Variants in KLHDC10 observed in about 807,000 individuals in gnomAD.
The protein encoded by KLHDC10 is kelch domain-containing protein 10.
In KLHDC10, 24 loss-of-function variants were observed where a neutral mutation model predicts 56.1. The observed-to-expected ratio is 0.43, with a 90% confidence interval of 0.31 to 0.60. KLHDC10 has a LOEUF of 0.60. KLHDC10 is among the 20% of genes least tolerant of loss of function. The pLI is 0.11. For synonymous variants in KLHDC10, 188 were observed against 207.1 expected (o/e 0.91, Z 0.79); for missense variants, 349 against 567.0 (o/e 0.62, Z 3.91).
At chr7:130,122,501 A>G (rs903275405) in intron 5 of KLHDC10, among the ~76,000 whole-genome samples, 5 of 152,214 alleles carry the variant, frequency 3.3e-5, no homozygotes, top group Non-Finnish European at 5.9e-5. Flanking sequence ...GGTAACAACT[A>G]TAACCAAATT....
At chr7:130,103,877 C>T (rs1484318356) in intron 2 of KLHDC10, among the ~76,000 whole-genome samples, 4 of 152,062 alleles carry the variant, frequency 2.6e-5, no homozygotes, top group Non-Finnish European at 5.9e-5. Context: ...ATCACGAGGT[C>T]AGGAGTTTGA....
chr7:130,123,137 A>G (rs184685739), intron 5 of KLHDC10, among the ~76,000 whole-genome samples: 2 of 152,204 alleles, frequency 1.3e-5, no homozygotes, highest in Admixed American at 1.3e-4. Flanking sequence ...TAGCAGATCT[A>G]TATCTTTCAC....
chr7:130,104,969 A>G (rs1329455376), intron 2 of KLHDC10, among the ~76,000 whole-genome samples: 1 of 152,202 alleles, frequency 6.6e-6, no homozygotes, highest in Non-Finnish European at 1.5e-5. Flanking sequence ...GCATTTCCCA[A>G]AAGAAAAATT....
intron 9 of KLHDC10, 131 bp downstream of exon 9, chr7:130,129,707 C>T: frequency 1.3e-6 from 1 of 798,346 alleles, no homozygotes. Flanking sequence ...TTAAAACTTC[C>T]TTCCAAAGCT....
At chr7:130,100,243 C>G (rs1352654283) in intron 2 of KLHDC10, among the ~76,000 whole-genome samples, 1 of 152,130 alleles carries the variant, frequency 6.6e-6, no homozygotes, top group Non-Finnish European at 1.5e-5. Context: ...ATAGCATATC[C>G]TTTAACACTC....
chr7:130,119,537 TAAAAAAAA>T (rs11317882), intron 3 of KLHDC10, among the ~76,000 whole-genome samples: 2 of 100,386 alleles, frequency 2.0e-5, no homozygotes, highest in African/African-American at 7.8e-5. Context: ...AAAAAAGAGT[TAAAAAAAA>T]AAAAAAAAAA....
At chr7:130,082,221 C>T (rs1303879389) in intron 1 of KLHDC10, among the ~76,000 whole-genome samples, 5 of 152,016 alleles carry the variant, frequency 3.3e-5, no homozygotes, top group Non-Finnish European at 7.4e-5. Context: ...CTACTTGGGA[C>T]GCTGAGGCAG....
intron 2 of KLHDC10, among the ~76,000 whole-genome samples, chr7:130,111,271 T>C (rs981034320): frequency 7.5e-4 from 114 of 152,304 alleles, no homozygotes; most frequent in African/African-American, 2.6e-3. Flanking sequence ...ATCTTAATCA[T>C]TTTATAATAA....
intron 4 of KLHDC10, among the ~76,000 whole-genome samples, chr7:130,121,199 C>T (rs1227525015): frequency 6.6e-6 from 1 of 152,032 alleles, no homozygotes; most frequent in African/African-American, 2.4e-5. Flanking sequence ...CCCACCTCCA[C>T]CTCTACCCTC....
At chr7:130,128,889 A>AAAAAAAATATATATAT in intron 8 of KLHDC10, among the ~76,000 whole-genome samples, 4 of 66,950 alleles carry the variant, frequency 6.0e-5, no homozygotes, top group South Asian at 5.5e-4. Context: ...AAAAAAAAAA[A>AAAAAAAATATATATAT]ATATATATAT....
At chr7:130,108,047 GAA>G (rs961950533) in intron 2 of KLHDC10, among the ~76,000 whole-genome samples, 1 of 138,870 alleles carries the variant, frequency 7.2e-6, no homozygotes, top group African/African-American at 2.7e-5. Flanking sequence ...CCTTCCCCGG[GAA>G]AAAAAAAACA....
At chr7:130,094,132 G>T (rs1163627002) in intron 1 of KLHDC10, among the ~76,000 whole-genome samples, 1 of 151,888 alleles carries the variant, frequency 6.6e-6, no homozygotes, top group Admixed American at 6.6e-5. Flanking sequence ...TGGCATGTTG[G>T]CCAGGCTGGT....
intron 2 of KLHDC10, among the ~76,000 whole-genome samples, chr7:130,097,680 T>C (rs1795868734): frequency 6.6e-6 from 1 of 152,216 alleles, no homozygotes; most frequent in African/African-American, 2.4e-5. Context: ...ATACCCAATG[T>C]TGGCAAGGGT....
intron 7 of KLHDC10, among the ~76,000 whole-genome samples, chr7:130,126,472 T>C (rs1328216470): frequency 6.6e-6 from 1 of 151,300 alleles, no homozygotes; most frequent in East Asian, 2.0e-4. Context: ...GGTCAGGAGT[T>C]CGAGACGAGC....
chr7:130,084,670 G>A (rs1050439840), intron 1 of KLHDC10, among the ~76,000 whole-genome samples: 9 of 151,940 alleles, frequency 5.9e-5, no homozygotes, highest in Non-Finnish European at 1.0e-4. Flanking sequence ...CCAGCTACTC[G>A]GGAGGCTGAG....
Position 130,120,843 on chromosome 7 carries a change from G to A in KLHDC10, c.570G>A (p.Lys190=). ...ATGACGTCCATGTGTGTAATGTGAA[G>A]TATAAGAGATGGGCTTTGCTCAGCT... ...NGNDVHVCNV[K]YKRWALLSCR... The change falls in exon 4 of 10, where the codon AAG becomes AAA. Residue 190 remains lysine, a synonymous_variant. Coordinates refer to ENST00000335420, the MANE Select transcript of KLHDC10 (RefSeq NM_014997.4). This position sits in a 1 kb window ranked among gnomAD's most constrained non-coding sequence, Gnocchi z 5.1. 2.5e-6 allele frequency: 4 copies of A among 1,614,156 alleles called. No homozygotes were observed. The highest frequency in any genetic ancestry group is 3.4e-6 in the Non-Finnish European group (4 of 1,180,022).
rs1325591507 is a variant in KLHDC10, at chr7:130,077,390, T to G, written c.166+6581T>G. ...AAAAAAAAAAAAAAAAAACAGTATA[T>G]GTATTTATTGTCATTCAAGTATTGT... On this transcript the variant is annotated intron_variant, in intron 1 of 9. Coordinates refer to ENST00000335420, the MANE Select transcript of KLHDC10 (RefSeq NM_014997.4). 2.8e-5 allele frequency among the ~76,000 whole-genome samples: 4 copies of G among 142,060 alleles called. 1 individual carries two copies. The highest frequency in any genetic ancestry group is 2.2e-4 in the Admixed American group (3 of 13,558). The allele number at this position is 142,060 out of a possible 152,430, so 93.2% of individuals were successfully genotyped here. A position where few individuals can be genotyped will look rare whatever the true frequency, so the allele number is the denominator to read the frequency against.
At chr7:130,075,249 G>T (rs192986686) in intron 1 of KLHDC10, among the ~76,000 whole-genome samples, 1 of 152,274 alleles carries the variant, frequency 6.6e-6, no homozygotes, top group Admixed American at 6.5e-5. Context: ...ACCATGATTA[G>T]CTGGGAAAAC....
At chr7:130,089,794 C>A (rs1416327728) in intron 1 of KLHDC10, among the ~76,000 whole-genome samples, 1 of 152,108 alleles carries the variant, frequency 6.6e-6, no homozygotes, top group African/African-American at 2.4e-5. Context: ...CTTTATAGAT[C>A]CTGAATTGTA....
Sources: allele counts gnomAD v4.1 joint callset (sites outside exome capture counted in the v4.1 genomes callset), GRCh38; gene constraint gnomAD v4.1.1; non-coding constraint Gnocchi (gnomAD v3.1); transcripts MANE v1.5; gene names NCBI Gene and HGNC (gene_info 2026-07-23, HGNC 2026-07-21).